DZIP1L: variants seen among roughly 807,000 people sequenced by gnomAD.
DZIP1L encodes the protein DAZ interacting zinc finger protein 1 like.
Under a neutral mutation model 88.7 loss-of-function variants are expected in DZIP1L, and 90 were observed. The ratio of observed to expected loss-of-function variants is 1.02; its 90% CI spans 0.86 to 1.21. The LOEUF (loss-of-function observed/expected upper bound fraction) is 1.21. Among genes scored for constraint, DZIP1L ranks in the 50% most tolerant of loss-of-function variants. The pLI is 0.00. For missense variants in DZIP1L, 932 were observed against 955.8 expected, an observed-to-expected ratio of 0.98 and a Z score of 0.33; for synonymous variants, 363 against 372.1, an observed-to-expected ratio of 0.98 and a Z score of 0.28.
intron 1 of DZIP1L, among the ~76,000 whole-genome samples, chr3:138,104,819 C>A (rs1266659542): frequency 6.6e-6 from 1 of 152,158 alleles, no homozygotes; most frequent in Non-Finnish European, 1.5e-5. Flanking sequence ...TCAGATTCTA[C>A]TCTCTAAACT....
intron 11 of DZIP1L, among the ~76,000 whole-genome samples, chr3:138,074,623 C>T (rs978953084): frequency 3.3e-5 from 5 of 150,812 alleles, no homozygotes; most frequent in Admixed American, 2.6e-4. Context: ...TACATGTGCA[C>T]AACATGCAGG....
At chr3:138,080,646 G>T in intron 9 of DZIP1L, 26 bp from the exon 10 acceptor site, 1 of 1,611,226 alleles carries the variant, frequency 6.2e-7, no homozygotes, top group Non-Finnish European at 8.5e-7. Context: ...ACAGTTAGTG[G>T]CACCAGTGCT....
At chr3:138,106,986 A>G (rs940798186) in intron 1 of DZIP1L, among the ~76,000 whole-genome samples, 12 of 152,190 alleles carry the variant, frequency 7.9e-5, no homozygotes, top group African/African-American at 2.4e-4. Flanking sequence ...CCTACCTCAC[A>G]GGGTGCTATG....
intron 11 of DZIP1L, among the ~76,000 whole-genome samples, chr3:138,075,199 T>C (rs1404183100): frequency 6.6e-6 from 1 of 151,968 alleles, no homozygotes; most frequent in Admixed American, 6.5e-5. Context: ...AGCAACACAA[T>C]AATAGTGGGG....
intron 10 of DZIP1L, among the ~76,000 whole-genome samples, 178 bp from the exon 11 acceptor site, chr3:138,077,810 G>A (rs141315843): frequency 5.3e-5 from 8 of 152,320 alleles, no homozygotes; most frequent in Non-Finnish European, 1.2e-4. Context: ...TCTGATCTCA[G>A]ATTCCAGGCC....
chr3:138,087,588 GAAAA>G (rs1944006691), intron 6 of DZIP1L, among the ~76,000 whole-genome samples: 1 of 152,144 alleles, frequency 6.6e-6, no homozygotes, highest in African/African-American at 2.4e-5. Flanking sequence ...ATCAATAATA[GAAAA>G]GCAGGCAAAG....
chr3:138,076,879 A>G (rs1395917814), intron 11 of DZIP1L, among the ~76,000 whole-genome samples: 3 of 152,118 alleles, frequency 2.0e-5, no homozygotes, highest in African/African-American at 4.8e-5. Context: ...GTAACCAAAC[A>G]CCACCTGTTC....
chr3:138,080,485 T>A, intron 10 of DZIP1L, 82 bp downstream of exon 10: 1 of 1,495,378 alleles, frequency 6.7e-7, no homozygotes, highest in Admixed American at 1.7e-5. Context: ...CAGATACAGT[T>A]AAGTAGAGAC....
At position 138,106,127 on chromosome 3, in the gene DZIP1L, C is replaced by CT. The variant is rs56146259; in HGVS notation, c.-81-2076dup. Among the ~76,000 whole-genome samples, 574 of 64,550 alleles carry CT rather than the reference C, an allele frequency of 8.9e-3. 34 individuals carry two copies. Among genetic ancestry groups the CT allele is most frequent in the Middle Eastern group, 0.018 (1 of 56 alleles). 42.3% of individuals were successfully genotyped at this position (64,550 alleles called of 152,430 possible). On this transcript the variant is annotated intron_variant, in intron 1 of 15. Coordinates refer to ENST00000327532, the MANE Select transcript of DZIP1L (RefSeq NM_173543.3). ...GAGATTACATGATTCAGTCTTCTTT[C>CT]TTTTTTTTTTTTTTTTTTTTTTTTT... is the stretch of plus-strand genomic sequence containing the variant.
At chr3:138,070,633 A>G (rs1198986894) in intron 12 of DZIP1L, among the ~76,000 whole-genome samples, 1 of 152,214 alleles carries the variant, frequency 6.6e-6, no homozygotes, top group African/African-American at 2.4e-5. Context: ...TAAGTTATAA[A>G]ATGATTGGTT....
intron 1 of DZIP1L, among the ~76,000 whole-genome samples, chr3:138,106,106 T>A (rs1373087689): frequency 6.6e-6 from 1 of 150,426 alleles, no homozygotes; most frequent in Non-Finnish European, 1.5e-5. Flanking sequence ...TCTTTCGAGA[T>A]TACATGATTC....
intron 12 of DZIP1L, among the ~76,000 whole-genome samples, chr3:138,070,063 A>G (rs1166532558): frequency 6.6e-6 from 1 of 152,148 alleles, no homozygotes; most frequent in Non-Finnish European, 1.5e-5. Flanking sequence ...AGCACCTAGA[A>G]GGAGCAAGAT....
chr3:138,097,558 C>G (rs1380960626), intron 3 of DZIP1L, among the ~76,000 whole-genome samples: 1 of 152,214 alleles, frequency 6.6e-6, no homozygotes, highest in Non-Finnish European at 1.5e-5. Context: ...GTCTGACTCC[C>G]AGCCCTTCTT....
chr3:138,080,092 A>G lies in DZIP1L; in HGVS notation c.1288+475T>C, dbSNP rs559415702. 6.6e-5 allele frequency among the ~76,000 whole-genome samples: 10 copies of G among 152,328 alleles called. No homozygotes were observed. The Middle Eastern group carries it at 0.014, about 207-fold the overall frequency. On this transcript the variant is annotated intron_variant, in intron 10 of 15. Coordinates refer to ENST00000327532, the MANE Select transcript of DZIP1L (RefSeq NM_173543.3). ...GGTGAATAAAAACAGCAGGTGCCCA[A>G]TGCTCTGACAAGGGAGCCGAGGTGG...
intron 4 of DZIP1L, among the ~76,000 whole-genome samples, chr3:138,093,636 A>G (rs1401159926): frequency 6.6e-6 from 1 of 152,250 alleles, no homozygotes; most frequent in Non-Finnish European, 1.5e-5. Flanking sequence ...CTAGATCTCC[A>G]AGATAACTTG....
intron 4 of DZIP1L, 54 bp from the exon 5 acceptor site, chr3:138,092,598 T>C (rs983955233): frequency 1.0e-5 from 15 of 1,500,846 alleles, no homozygotes; most frequent in Middle Eastern, 2.1e-4. Flanking sequence ...ACAGCAAATA[T>C]TTACTAAGAA....
Position 138,064,780 on chromosome 3 carries a change from A to G in DZIP1L, c.2003-13T>C. 6.4e-7 allele frequency: 1 copy of G among 1,553,420 alleles called. No individual in the cohort carries two copies. Among genetic ancestry groups the G allele is most frequent in the Non-Finnish European group, 8.7e-7 (1 of 1,154,198 alleles). Reference sequence around the variant, plus strand: ...TGCACCAGTGTTCCTGGAAGGTGAAAAAGTGGCTGTGTCAGTGGGAGAAGC... The same window carrying G: ...TGCACCAGTGTTCCTGGAAGGTGAAGAAGTGGCTGTGTCAGTGGGAGAAGC... On this transcript the variant is annotated splice_polypyrimidine_tract_variant and intron_variant, in intron 14 of 15. Transcript: ENST00000327532.
rs578151210 is a variant in DZIP1L at position 138,071,577 on chromosome 3, A to G, written c.1615+66T>C. 1.2e-4 allele frequency: 182 copies of G among 1,538,418 alleles called. No individual in the cohort carries two copies. In the African/African-American group the frequency reaches 2.3e-3, roughly 19 times the overall value. On this transcript the variant is annotated intron_variant, in intron 12 of 15. Transcript: ENST00000327532. ...GAGACTATACCCTCCTCATGTGCAA[A>G]CAAGTTTTGGCAAGAATGGGACCCT...
intron 2 of DZIP1L, among the ~76,000 whole-genome samples, 192 bp downstream of exon 2, chr3:138,103,279 A>C (rs1393050587): frequency 6.6e-6 from 1 of 152,034 alleles, no homozygotes; most frequent in African/African-American, 2.4e-5. Flanking sequence ...ACACACACAC[A>C]CACTGTAGAA....
Sources: gnomAD v4.1 joint callset for allele counts (sites outside exome capture counted in the v4.1 genomes callset) on GRCh38, gnomAD v4.1.1 for gene constraint, MANE v1.5 for transcripts, NCBI Gene and HGNC (gene_info 2026-07-23, HGNC 2026-07-21) for gene names.